PACS1: variants seen among roughly 807,000 people sequenced by gnomAD.
PACS1 encodes PACS-1.
PACS1 carries 24 observed loss-of-function variants against 115.0 expected under a neutral mutation model. The ratio of observed to expected loss-of-function variants is 0.21; its 90% CI spans 0.15 to 0.29. The LOEUF is 0.29. Among genes scored for constraint, PACS1 ranks in the 10% least tolerant of loss-of-function variants. The probability of loss-of-function intolerance (pLI) is 1.00; values close to 1 mark genes in which losing one functional copy is unlikely to be tolerated. For synonymous variants in PACS1, 453 were observed against 504.5 expected (o/e 0.90, Z 1.37); for missense variants, 838 against 1,251.2 (o/e 0.67, Z 4.98).
chr11:66,169,191 C>T (rs1859681299), intron 1 of PACS1, among the ~76,000 whole-genome samples: 1 of 150,442 alleles, frequency 6.6e-6, no homozygotes. Context: ...TGATGTGTAT[C>T]TTTTATGTCA....
intron 2 of PACS1, 92 bp downstream of exon 2, chr11:66,193,665 C>T: frequency 1.3e-6 from 1 of 792,116 alleles, no homozygotes; most frequent in Non-Finnish European, 2.2e-6. Context: ...CTGGGACCAC[C>T]TCTGTCTTCC....
chr11:66,123,047 A>G (rs1324819970), intron 1 of PACS1, among the ~76,000 whole-genome samples: 1 of 152,176 alleles, frequency 6.6e-6, no homozygotes, highest in Non-Finnish European at 1.5e-5. Flanking sequence ...GACAAACTTC[A>G]TTGTCTTATT....
chr11:66,160,485 G>C (rs575636267), intron 1 of PACS1, among the ~76,000 whole-genome samples: 1 of 152,004 alleles, frequency 6.6e-6, no homozygotes, highest in African/African-American at 2.4e-5. Flanking sequence ...ATCTTTATAG[G>C]AAATGTGGGA....
At chr11:66,130,084 C>T (rs528156044) in intron 1 of PACS1, among the ~76,000 whole-genome samples, 8 of 152,174 alleles carry the variant, frequency 5.3e-5, no homozygotes, top group Admixed American at 2.0e-4. Context: ...CACCATCCCC[C>T]GAGTTGGGTT....
chr11:66,220,449 C>T (rs1021791896), intron 8 of PACS1, 182 bp from the exon 9 acceptor site: 2 of 609,858 alleles, frequency 3.3e-6, no homozygotes, highest in Non-Finnish European at 5.8e-6. Flanking sequence ...AAGGTGGCCT[C>T]ACCATGTCCC....
intron 11 of PACS1, among the ~76,000 whole-genome samples, chr11:66,230,063 C>G (rs1381641715): frequency 7.0e-6 from 1 of 142,386 alleles, no homozygotes; most frequent in African/African-American, 2.6e-5. Context: ...ACAGCAGTGG[C>G]TTGGGGATGA....
Position 66,070,517 on chromosome 11 carries a change from C to T in PACS1, c.31C>T (p.Pro11Ser), listed in dbSNP as rs906714697. The change falls in exon 1 of 24, where the codon CCC becomes TCC. Residue 11 changes from proline (P) to serine (S), a missense_variant. This residue lies in a region of PACS1 where 15 missense variants were observed against 39.0 expected (regional missense o/e 0.38). Transcript: ENST00000320580. The surrounding 1 kb of genome is among the most constrained non-coding windows in gnomAD (Gnocchi z 5.9). ...GGAACGCGGAGGGGCGGGCGGTGGTCCCGGAGGCGCCGGGGGCGGCAGCGG... is the reference window on the plus strand; with the variant it reads ...GGAACGCGGAGGGGCGGGCGGTGGTTCCGGAGGCGCCGGGGGCGGCAGCGG... MAERGGAGGGPGGAGGGSGQR... is the reference protein window; with the variant it reads MAERGGAGGGSGGAGGGSGQR... 6.1e-6 allele frequency: 8 copies of T among 1,321,568 alleles called. No individual in the cohort carries two copies. The African/African-American group carries it at 9.3e-5, about 15-fold the overall frequency. 81.9% of individuals were successfully genotyped at this position (1,321,568 alleles called of 1,614,324 possible).
At chr11:66,206,433 G>A (rs1269119372) in intron 2 of PACS1, among the ~76,000 whole-genome samples, 2 of 152,280 alleles carry the variant, frequency 1.3e-5, no homozygotes, top group Admixed American at 6.5e-5. Flanking sequence ...GGACAGTAGT[G>A]CACCATGCTT....
chr11:66,217,437 A>C (rs1248118966), intron 7 of PACS1: 1 of 404,714 alleles, frequency 2.5e-6, no homozygotes, highest in East Asian at 7.7e-5. Flanking sequence ...GAGGGCCAGA[A>C]GTGCTGGGAG....
chr11:66,216,501 A>T lies in PACS1; in HGVS notation c.806-19A>T. On this transcript the variant is annotated intron_variant, in intron 5 of 23. Transcript: ENST00000320580. ...GATCTTCCCATTGCAAGGTTATCTT[A>T]CTCAGGTGTCTGTTGCAGATCGTTC... The T allele has an allele frequency of 6.3e-7, 1 of 1,597,288 alleles. No individual in the cohort carries two copies. The highest frequency in any genetic ancestry group is 1.1e-5 in the South Asian group (1 of 90,752).
At chr11:66,117,978 C>G (rs1310133394) in intron 1 of PACS1, among the ~76,000 whole-genome samples, 1 of 152,206 alleles carries the variant, frequency 6.6e-6, no homozygotes, top group East Asian at 1.9e-4. Flanking sequence ...CTGTCATTCA[C>G]TTTTGAGACT....
At chr11:66,096,854 C>T (rs893166385) in intron 1 of PACS1, among the ~76,000 whole-genome samples, 1 of 150,266 alleles carries the variant, frequency 6.7e-6, no homozygotes, top group Non-Finnish European at 1.5e-5. Context: ...TTCATTTCTC[C>T]CTCTCTCTCT....
At chr11:66,101,496 G>A (rs1478452216) in intron 1 of PACS1, among the ~76,000 whole-genome samples, 1 of 152,134 alleles carries the variant, frequency 6.6e-6, no homozygotes, top group Non-Finnish European at 1.5e-5. Context: ...TTTAGATGCT[G>A]CACATACTCT....
rs902555100 is a variant in PACS1, at chr11:66,235,046, A to G, written c.2105-255A>G. 1.3e-5 allele frequency among the ~76,000 whole-genome samples: 2 copies of G among 152,206 alleles called. No individual in the cohort carries two copies. Among genetic ancestry groups the G allele is most frequent in the African/African-American group, 4.8e-5 (2 of 41,444 alleles). On this transcript the variant is annotated intron_variant, in intron 17 of 23. Coordinates refer to ENST00000320580, the MANE Select transcript of PACS1 (RefSeq NM_018026.4). This position sits in a 1 kb window ranked among gnomAD's most constrained non-coding sequence, Gnocchi z 5.6. ...CGGATGGGTATGTGCAAGGACAGGCAGGAGCAAGTGGACATGAGAAGAAGG... is the reference window on the plus strand; with the variant it reads ...CGGATGGGTATGTGCAAGGACAGGCGGGAGCAAGTGGACATGAGAAGAAGG...
At chr11:66,227,437 C>A in intron 10 of PACS1, 67 bp from the exon 11 acceptor site, 3 of 866,268 alleles carry the variant, frequency 3.5e-6, no homozygotes, top group East Asian at 2.5e-5. Context: ...TTCATAGGGA[C>A]CTAGTAAAAC....
chr11:66,216,385 G>C (rs1479584730), intron 5 of PACS1, 122 bp downstream of exon 5: 1 of 1,428,470 alleles, frequency 7.0e-7, no homozygotes, highest in Non-Finnish European at 9.7e-7. Flanking sequence ...AAAGTAAAAT[G>C]TGGCTTCGGC....
At chr11:66,158,614 T>C (rs1468302721) in intron 1 of PACS1, among the ~76,000 whole-genome samples, 1 of 152,132 alleles carries the variant, frequency 6.6e-6, no homozygotes, top group African/African-American at 2.4e-5. Flanking sequence ...GGTGGGAGTA[T>C]TGCGTGAGCC....
At chr11:66,089,252 A>C (rs1309859873) in intron 1 of PACS1, among the ~76,000 whole-genome samples, 1 of 152,148 alleles carries the variant, frequency 6.6e-6, no homozygotes, top group Admixed American at 6.6e-5. Flanking sequence ...AACCCCAGAG[A>C]CATTACCACC....
chr11:66,182,020 G>C (rs928910512), intron 1 of PACS1, among the ~76,000 whole-genome samples: 4 of 152,228 alleles, frequency 2.6e-5, no homozygotes, highest in Admixed American at 1.3e-4. Context: ...CTATTTTATA[G>C]ATGAGAAAGC....
Sources: gnomAD v4.1 joint callset for allele counts (sites outside exome capture counted in the v4.1 genomes callset) on GRCh38, gnomAD v4.1.1 for gene constraint, gnomAD v4.1.1 regional missense constraint, Gnocchi (gnomAD v3.1) non-coding constraint, MANE v1.5 for transcripts, NCBI Gene and HGNC (gene_info 2026-07-23, HGNC 2026-07-21) for gene names.